KIF16B: variants seen among roughly 807,000 people sequenced by gnomAD.
KIF16B encodes the protein kinesin-like protein KIF16B.
Under a neutral mutation model 156.3 loss-of-function variants are expected in KIF16B, and 98 were observed. The ratio of observed to expected loss-of-function variants is 0.63; its 90% CI spans 0.53 to 0.74. The LOEUF (loss-of-function observed/expected upper bound fraction) is 0.74, where lower values mean the gene tolerates loss of function less well. KIF16B is among the 30% of genes least tolerant of loss of function. The pLI is 0.00. For missense variants in KIF16B, 1,421 were observed against 1,606.5 expected, an observed-to-expected ratio of 0.88 and a Z score of 1.97; for synonymous variants, 564 against 583.7, an observed-to-expected ratio of 0.97 and a Z score of 0.49.
intron 25 of KIF16B, among the ~76,000 whole-genome samples, chr20:16,283,312 C>T (rs1276673182): frequency 1.3e-5 from 2 of 152,226 alleles, no homozygotes; most frequent in African/African-American, 2.4e-5. Flanking sequence ...GTCAGTTTCA[C>T]GCTCTGCCTG....
chr20:16,422,911 A>T (rs1227028247), intron 15 of KIF16B, among the ~76,000 whole-genome samples: 1 of 152,182 alleles, frequency 6.6e-6, no homozygotes, highest in African/African-American at 2.4e-5. Flanking sequence ...ATTTCTTTAA[A>T]AAGTTAATAA....
chr20:16,383,622 T>C (rs1381025612), intron 17 of KIF16B, among the ~76,000 whole-genome samples: 1 of 152,244 alleles, frequency 6.6e-6, no homozygotes, highest in Non-Finnish European at 1.5e-5. Flanking sequence ...CATTTCTTTT[T>C]ATTTAAGAAT....
intron 12 of KIF16B, among the ~76,000 whole-genome samples, chr20:16,477,055 G>A (rs1002733535): frequency 2.0e-5 from 3 of 152,068 alleles, no homozygotes; most frequent in Non-Finnish European, 2.9e-5. Context: ...CCTGGATACC[G>A]TTTTTAAAGG....
chr20:16,422,357 A>G (rs1054386031), intron 15 of KIF16B, among the ~76,000 whole-genome samples: 1 of 152,140 alleles, frequency 6.6e-6, no homozygotes, highest in African/African-American at 2.4e-5. Flanking sequence ...TTCTCACAGA[A>G]AAAGCATTAC....
At chr20:16,486,255 C>T (rs1380490908) in intron 12 of KIF16B, among the ~76,000 whole-genome samples, 1 of 151,972 alleles carries the variant, frequency 6.6e-6, no homozygotes, top group Non-Finnish European at 1.5e-5. Flanking sequence ...ACATAAGATG[C>T]TCTCAATAAA....
chr20:16,329,287 G>C (rs1448744768), intron 24 of KIF16B, among the ~76,000 whole-genome samples: 6 of 152,092 alleles, frequency 3.9e-5, no homozygotes, highest in Non-Finnish European at 5.9e-5. Flanking sequence ...TTGTGACCTG[G>C]ATCTATAATA....
intron 1 of KIF16B, 111 bp downstream of exon 1, chr20:16,573,118 G>C: frequency 4.6e-6 from 5 of 1,097,786 alleles, no homozygotes; most frequent in South Asian, 1.5e-5. Flanking sequence ...CGGTGGGCCA[G>C]GGACCAGCCG....
At chr20:16,573,020 C>T (rs1283441610) in intron 1 of KIF16B, among the ~76,000 whole-genome samples, 1 of 152,188 alleles carries the variant, frequency 6.6e-6, no homozygotes, top group Non-Finnish European at 1.5e-5. Context: ...GAATCTTCTC[C>T]TTTACCACCA....
chr20:16,443,975 G>A (rs1006720337), intron 12 of KIF16B, among the ~76,000 whole-genome samples: 7 of 152,124 alleles, frequency 4.6e-5, no homozygotes, highest in East Asian at 1.9e-4. Flanking sequence ...ACAATGTAAC[G>A]TACACATGCA....
chr20:16,520,238 A>G (rs6044059), intron 3 of KIF16B, among the ~76,000 whole-genome samples: 36,719 of 151,876 alleles, frequency 0.24, 5,080 homozygotes, highest in East Asian at 0.38. Context: ...TAGCTCAGCA[A>G]ATCCCACCCC....
At chr20:16,466,039 A>G (rs185337891) in intron 12 of KIF16B, among the ~76,000 whole-genome samples, 52 of 152,370 alleles carry the variant, frequency 3.4e-4, no homozygotes, top group Admixed American at 3.1e-3. Context: ...GCAGGACAGG[A>G]AAATAAGTTC....
chr20:16,539,068 T>C (rs1288867791), intron 1 of KIF16B, among the ~76,000 whole-genome samples: 3 of 152,070 alleles, frequency 2.0e-5, no homozygotes, highest in African/African-American at 7.2e-5. Context: ...ATTTAACCTC[T>C]TGTCTTATAA....
At chr20:16,501,140 T>C (rs1394634194) in intron 10 of KIF16B, among the ~76,000 whole-genome samples, 1 of 152,196 alleles carries the variant, frequency 6.6e-6, no homozygotes, top group Non-Finnish European at 1.5e-5. Context: ...GATTCTGGTA[T>C]ATATCCATTA....
chr20:16,412,745 G>A (rs901296369), intron 15 of KIF16B, among the ~76,000 whole-genome samples: 1 of 152,020 alleles, frequency 6.6e-6, no homozygotes. Flanking sequence ...GGGGATTATG[G>A]GAACTACAAT....
chr20:16,425,117 T>A (rs1346902544), intron 15 of KIF16B, among the ~76,000 whole-genome samples: 2 of 152,140 alleles, frequency 1.3e-5, no homozygotes, highest in Non-Finnish European at 2.9e-5. Flanking sequence ...GGTTGCTAAA[T>A]ACCATTCTGT....
At chr20:16,310,216 T>C (rs1331348599) in intron 25 of KIF16B, among the ~76,000 whole-genome samples, 3 of 152,160 alleles carry the variant, frequency 2.0e-5, no homozygotes, top group African/African-American at 7.2e-5. Flanking sequence ...CACAGATAAA[T>C]AACAGTCACA....
chr20:16,310,285 TCA>T (rs768358041), intron 25 of KIF16B, among the ~76,000 whole-genome samples: 2 of 152,228 alleles, frequency 1.3e-5, no homozygotes, highest in Non-Finnish European at 2.9e-5. Context: ...ACTCTGCTCA[TCA>T]ACAGCTGATG....
At chr20:16,438,752 TCTC>T (rs1478177419) in intron 12 of KIF16B, among the ~76,000 whole-genome samples, 1 of 152,126 alleles carries the variant, frequency 6.6e-6, no homozygotes, top group African/African-American at 2.4e-5. Flanking sequence ...TCTCCTTCAT[TCTC>T]CTCCAGGAAA....
chr20:16,458,857 T>C (rs1387653222), intron 12 of KIF16B, among the ~76,000 whole-genome samples: 2 of 152,102 alleles, frequency 1.3e-5, no homozygotes, highest in African/African-American at 4.8e-5. Context: ...TACTGGAAAG[T>C]GCTTTGGACT....
Sources: allele counts gnomAD v4.1 joint callset (sites outside exome capture counted in the v4.1 genomes callset), GRCh38; gene constraint gnomAD v4.1.1; transcripts MANE v1.5; gene names NCBI Gene and HGNC (gene_info 2026-07-23, HGNC 2026-07-21).